Variants in C1orf167 observed in about 807,000 individuals in gnomAD.
C1orf167 encodes chromosome 1 open reading frame 167.
In C1orf167, 153 loss-of-function variants were observed where a neutral mutation model predicts 176.5. The ratio of observed to expected loss-of-function variants is 0.87; its 90% confidence interval spans 0.76 to 0.99. The LOEUF (loss-of-function observed/expected upper bound fraction) is 0.99, where lower values mean the gene tolerates loss of function less well. Among genes scored for constraint, C1orf167 ranks in the 50% least tolerant of loss-of-function variants. The pLI is 0.00. For synonymous variants in C1orf167, 594 were observed against 752.7 expected (o/e 0.79, Z 3.45); for missense variants, 1,490 against 1,817.7 (o/e 0.82, Z 3.28).
In C1orf167 at chr1:11,780,056, A is replaced by G. The variant is rs1178763331; in HGVS notation, c.2860+46A>G. The G allele has an allele frequency of 5.7e-6, 7 of 1,219,144 alleles. No individual in the cohort carries two copies. In the African/African-American group the frequency reaches 7.8e-5, roughly 14 times the overall value. 75.5% of individuals were successfully genotyped at this position (1,219,144 alleles called of 1,614,324 possible). A position where few individuals can be genotyped will look rare whatever the true frequency, so the allele number is the denominator to read the frequency against. On this transcript the variant is annotated intron_variant, in intron 13 of 20. Coordinates refer to ENST00000688073, the MANE Select transcript of C1orf167 (RefSeq NM_001010881.2). ...GGGCACTGCGGGTGAGGGCAGGGCCAGGGTCTGTCTGAGACCCAGACTGCA... is the reference window on the plus strand; with the variant it reads ...GGGCACTGCGGGTGAGGGCAGGGCCGGGGTCTGTCTGAGACCCAGACTGCA...
chr1:11,788,773 C>A (rs1418373515), intron 20 of C1orf167, 27 bp downstream of exon 20: 1 of 1,300,082 alleles, frequency 7.7e-7, no homozygotes, highest in South Asian at 1.2e-5. Context: ...GTACTGCCCT[C>A]TTCCCTGCAT....
In C1orf167 at chr1:11,765,973, G is replaced by A. The variant is rs1238330789; in HGVS notation, c.187G>A (p.Val63Met). ...TGCTGCCACACCCTCCCCAGGGGCAGTGCTAGACCAGGAGCCCTGCCGAGT... is the reference window on the plus strand; with the variant it reads ...TGCTGCCACACCCTCCCCAGGGGCAATGCTAGACCAGGAGCCCTGCCGAGT... ...GPAATPSPGAVLDQEPCRVQT... is the reference protein window; with the variant it reads ...GPAATPSPGAMLDQEPCRVQT... Residue 63 changes from valine (V) to methionine (M), a missense_variant, in exon 3 of 21, where the codon GTG becomes ATG. Transcript: ENST00000688073. The A allele has an allele frequency of 1.6e-6, 2 of 1,287,388 alleles. No individual in the cohort carries two copies. The highest frequency in any genetic ancestry group is 4.6e-5 in the Admixed American group (2 of 43,386). 79.7% of individuals were successfully genotyped at this position (1,287,388 alleles called of 1,614,324 possible).
Position 11,766,913 on chromosome 1 carries a change from G to C in C1orf167, c.1127G>C (p.Gly376Ala). The C allele has an allele frequency of 8.1e-7, 1 of 1,227,730 alleles. No homozygotes were observed. Among genetic ancestry groups the C allele is most frequent in the African/African-American group, 1.6e-5 (1 of 64,314 alleles). 76.1% of individuals were successfully genotyped at this position (1,227,730 alleles called of 1,614,324 possible). A position where few individuals can be genotyped will look rare whatever the true frequency, so the allele number is the denominator to read the frequency against. Residue 376 changes from glycine to alanine, a missense_variant, in exon 3 of 21, where the codon GGG becomes GCG. Physicochemically the swap from Gly to Ala is moderately conservative, Grantham distance 60. Coordinates refer to ENST00000688073, the MANE Select transcript of C1orf167 (RefSeq NM_001010881.2). The surrounding 1 kb of genome is among the most constrained non-coding windows in gnomAD (Gnocchi z 4.5). ...AGGGGTGACCCCAGTCTCCCTCGAG[G>C]GGTGGGAAGCAGGGGGACCGACCCC... ...AQRGDPSLPR[G>A]VGSRGTDPCS...
rs761655634 is a variant in C1orf167, at chr1:11,766,404, C to G, written c.618C>G (p.Ser206Arg). Residue 206 changes from serine to arginine, a missense_variant, in exon 3 of 21, where the codon AGC becomes AGG. Transcript: ENST00000688073. The surrounding 1 kb of genome is among the most constrained non-coding windows in gnomAD (Gnocchi z 4.5). Reference sequence around the variant, plus strand: ...TCAGATCCTGGGGTGGTCTGGGGAGCTGGAGGTCCAGGCTGGTGGGGGAAC... The same window carrying G: ...TCAGATCCTGGGGTGGTCTGGGGAGGTGGAGGTCCAGGCTGGTGGGGGAAC... ...PGLRSWGGLG[S>R]WRSRLVGEPL... is the part of the protein sequence containing the mutation. The G allele has an allele frequency of 7.8e-6, 10 of 1,274,446 alleles. No individual in the cohort carries two copies. In the African/African-American group the frequency reaches 1.5e-4, roughly 20 times the overall value. 78.9% of individuals were successfully genotyped at this position (1,274,446 alleles called of 1,614,324 possible). A position where few individuals can be genotyped will look rare whatever the true frequency, so the allele number is the denominator to read the frequency against.
chr1:11,776,518 G>A lies in C1orf167; in HGVS notation c.2219G>A (p.Gly740Asp). Residue 740 changes from glycine to aspartate, a missense_variant, in exon 10 of 21, where the codon GGC (glycine) becomes GAC (aspartate). By Grantham distance (94) the Gly-to-Asp change is moderately conservative. Coordinates refer to ENST00000688073, the MANE Select transcript of C1orf167 (RefSeq NM_001010881.2). The part of the protein sequence containing the change: ...GPGACGLGAV[G>D]QAQGQQEQGR... ...GGAGCCTGTGGCCTGGGTGCAGTGGGCCAGGCCCAGGGGCAGCAGGAGCAA... is the reference window on the plus strand; with the variant it reads ...GGAGCCTGTGGCCTGGGTGCAGTGGACCAGGCCCAGGGGCAGCAGGAGCAA... 7.7e-7 allele frequency: 1 copy of A among 1,299,228 alleles called. No individual in the cohort carries two copies. The highest frequency in any genetic ancestry group is 1.0e-6 in the Non-Finnish European group (1 of 986,740). The allele number at this position is 1,299,228 out of a possible 1,614,324, so 80.5% of individuals were successfully genotyped here. A position where few individuals can be genotyped will look rare whatever the true frequency, so the allele number is the denominator to read the frequency against.
At chr1:11,775,144 C>T (rs541199467) in intron 8 of C1orf167, among the ~76,000 whole-genome samples, 1 of 152,240 alleles carries the variant, frequency 6.6e-6, no homozygotes, top group East Asian at 1.9e-4. Flanking sequence ...AAAAAATTAG[C>T]CGGGCATGGT....
In C1orf167 at chr1:11,766,459, A is replaced by T. The variant is rs1437446755; in HGVS notation, c.673A>T (p.Ser225Cys). 1 of 1,286,814 alleles carries T rather than the reference A, an allele frequency of 7.8e-7. No homozygotes were observed. The highest frequency in any genetic ancestry group is 1.5e-5 in the African/African-American group (1 of 65,704). 79.7% of individuals were successfully genotyped at this position (1,286,814 alleles called of 1,614,324 possible). Residue 225 changes from serine to cysteine, a missense_variant, in exon 3 of 21, where the codon AGT (serine) becomes TGT (cysteine). Physicochemically the swap from Ser to Cys is moderately radical, Grantham distance 112. Coordinates refer to ENST00000688073, the MANE Select transcript of C1orf167 (RefSeq NM_001010881.2). This position sits in a 1 kb window ranked among gnomAD's most constrained non-coding sequence, Gnocchi z 4.5. ...CACCCTGGAGGACCTGGCTGTCCCCAGTCAGAACCAGACTCAGGCCCCATC... is the reference window on the plus strand; with the variant it reads ...CACCCTGGAGGACCTGGCTGTCCCCTGTCAGAACCAGACTCAGGCCCCATC... ...PLTLEDLAVPSQNQTQAPSRA... is the reference protein window; with the variant it reads ...PLTLEDLAVPCQNQTQAPSRA...
At chr1:11,773,417 A>G (rs528028505) in intron 8 of C1orf167, among the ~76,000 whole-genome samples, 32 of 152,034 alleles carry the variant, frequency 2.1e-4, no homozygotes, top group African/African-American at 7.5e-4. Flanking sequence ...CTTTAGAAAC[A>G]TAACCACTGG....
intron 17 of C1orf167, 142 bp downstream of exon 17, chr1:11,787,635 G>A (rs894250745): frequency 1.7e-5 from 14 of 819,288 alleles, no homozygotes; most frequent in East Asian, 7.3e-5. Context: ...TTCCCTCTTC[G>A]GAATGTTTCA....
intron 8 of C1orf167, 21 bp from the exon 9 acceptor site, chr1:11,775,414 A>G (rs1283758480): frequency 1.1e-5 from 14 of 1,277,906 alleles, no homozygotes; most frequent in African/African-American, 4.6e-5. Context: ...TGACATGGGT[A>G]CTTTCCCTCT....
At chr1:11,782,918 CAAAAAA>C (rs70983597) in intron 14 of C1orf167, among the ~76,000 whole-genome samples, 9 of 104,946 alleles carry the variant, frequency 8.6e-5, no homozygotes, top group Non-Finnish European at 1.4e-4. Flanking sequence ...GACTCCATCT[CAAAAAA>C]AAAAAAAAAA....
In C1orf167 at chr1:11,779,161, A is replaced by G. The variant is rs927667144; in HGVS notation, c.2651+81A>G. On this transcript the variant is annotated intron_variant, in intron 12 of 20. Coordinates refer to ENST00000688073, the MANE Select transcript of C1orf167 (RefSeq NM_001010881.2). The stretch of plus-strand genomic sequence containing the variant: ...CTTCTCCCTTCCACCCTTGGCCTTC[A>G]CAGCAGCAGCCCCTTGGGGTCTGCA... The G allele has an allele frequency of 2.5e-6, 3 of 1,177,960 alleles. No individual in the cohort carries two copies. The African/African-American group carries it at 4.9e-5, about 19-fold the overall frequency. 73.0% of individuals were successfully genotyped at this position (1,177,960 alleles called of 1,614,324 possible).
In C1orf167 at chr1:11,766,813, C is replaced by T; in HGVS notation, c.1027C>T (p.Gln343Ter). ...TRTKDSLNPE[Q>*]GLPPAHPLGS... is the part of the protein sequence containing the mutation. ...GACCAAGGATTCCCTTAATCCTGAGCAGGGGCTCCCTCCTGCCCACCCCCT... is the reference window on the plus strand; with the variant it reads ...GACCAAGGATTCCCTTAATCCTGAGTAGGGGCTCCCTCCTGCCCACCCCCT... The change falls in exon 3 of 21, where the codon CAG becomes TAG. Residue 343 changes from glutamine to a stop codon, truncating the protein, a stop_gained. Transcript: ENST00000688073. LOFTEE classifies it high-confidence loss of function. The surrounding 1 kb of genome is among the most constrained non-coding windows in gnomAD (Gnocchi z 4.5). 3 of 1,289,464 alleles carry T rather than the reference C, an allele frequency of 2.3e-6. No homozygotes were observed. The highest frequency in any genetic ancestry group is 3.0e-6 in the Non-Finnish European group (3 of 988,656). 79.9% of individuals were successfully genotyped at this position (1,289,464 alleles called of 1,614,324 possible).
intron 14 of C1orf167, among the ~76,000 whole-genome samples, chr1:11,783,660 C>A (rs1257323971): frequency 6.6e-6 from 1 of 152,154 alleles, no homozygotes; most frequent in East Asian, 1.9e-4. Context: ...GGACTTGAAC[C>A]CATACTGCTG....
At chr1:11,774,468 C>T (rs994271322) in intron 8 of C1orf167, among the ~76,000 whole-genome samples, 3 of 152,232 alleles carry the variant, frequency 2.0e-5, no homozygotes, top group African/African-American at 7.2e-5. Context: ...ACTACATCCC[C>T]CTGGTGTAGT....
In C1orf167 at chr1:11,788,748, T is replaced by C. The variant is rs775380089; in HGVS notation, c.4173+2T>C. 1 of 1,303,870 alleles carries C rather than the reference T, an allele frequency of 7.7e-7. No individual in the cohort carries two copies. The highest frequency in any genetic ancestry group is 1.2e-5 in the South Asian group (1 of 81,022). The allele number at this position is 1,303,870 out of a possible 1,614,324, so 80.8% of individuals were successfully genotyped here. On this transcript the variant is annotated splice_donor_variant, in intron 20 of 20. Coordinates refer to ENST00000688073, the MANE Select transcript of C1orf167 (RefSeq NM_001010881.2). LOFTEE classifies it high-confidence loss of function. Reference sequence around the variant, plus strand: ...GCAGTTACAGCAGCAGGAAGATGGGTGGGTCCTTTCCCAGGTACTGCCCTC... The same window carrying C: ...GCAGTTACAGCAGCAGGAAGATGGGCGGGTCCTTTCCCAGGTACTGCCCTC...
intron 20 of C1orf167, 158 bp downstream of exon 20, chr1:11,788,904 A>T (rs1244329069): frequency 1.4e-5 from 7 of 495,972 alleles, no homozygotes; most frequent in Non-Finnish European, 2.4e-5. Context: ...TACAGAACAC[A>T]CAGGCTGGAT....
chr1:11,787,541 G>A (rs1643914166), intron 17 of C1orf167, 48 bp downstream of exon 17: 5 of 1,222,706 alleles, frequency 4.1e-6, no homozygotes, highest in Non-Finnish European at 5.4e-6. Flanking sequence ...AAGTGCAGGG[G>A]TGAAGCGGTC....
In C1orf167 at chr1:11,768,007, T is replaced by C. The variant is rs1158633457; in HGVS notation, c.1344-70T>C. ...TGCTGGAAAGGCATCTCAGAGGGTA[T>C]CCAGCCACTGGGCTGTCCCTGGGGA... On this transcript the variant is annotated intron_variant, in intron 4 of 20. Transcript: ENST00000688073. The surrounding 1 kb of genome is among the most constrained non-coding windows in gnomAD (Gnocchi z 4.5). 1 of 1,161,326 alleles carries C rather than the reference T, an allele frequency of 8.6e-7. No individual in the cohort carries two copies. The highest frequency in any genetic ancestry group is 1.1e-6 in the Non-Finnish European group (1 of 905,368). 71.9% of individuals were successfully genotyped at this position (1,161,326 alleles called of 1,614,324 possible).
Sources: allele counts gnomAD v4.1 joint callset (sites outside exome capture counted in the v4.1 genomes callset), GRCh38; gene constraint gnomAD v4.1.1; non-coding constraint Gnocchi (gnomAD v3.1); transcripts MANE v1.5; gene names NCBI Gene and HGNC (gene_info 2026-07-23, HGNC 2026-07-21).